PPDPFL: variants seen among roughly 807,000 people sequenced by gnomAD.
PPDPFL encodes the protein pancreatic progenitor cell differentiation and proliferation factor-like protein.
In PPDPFL, 12 loss-of-function variants were observed where a neutral mutation model predicts 12.6. That is an observed-to-expected ratio of 0.95 (90% confidence interval 0.61 to 1.54). The LOEUF (loss-of-function observed/expected upper bound fraction) is 1.54. PPDPFL is among the 40% of genes most tolerant of loss of function. The probability of loss-of-function intolerance (pLI) is 0.00; values close to 1 mark genes in which losing one functional copy is unlikely to be tolerated. For synonymous variants in PPDPFL, 24 were observed against 32.7 expected, an observed-to-expected ratio of 0.73 and a Z score of 0.91; for missense variants, 114 against 96.0, an observed-to-expected ratio of 1.19 and a Z score of -0.78.
chr8:49,072,826 A>G lies in PPDPFL; in HGVS notation c.-5A>G, dbSNP rs1000900417. On this transcript the variant is annotated 5_prime_UTR_variant, in exon 2 of 5. It removes the in-frame stop codon of an upstream open reading frame in the 5' UTR. Coordinates refer to ENST00000522267, the MANE Select transcript of PPDPFL (RefSeq NM_001256597.2). ...CTTCTTGGGTGCTTTCTCACGGGTA[A>G]AGCCATGGCATCCGTACCTTCCATT... 6.2e-7 allele frequency: 1 copy of G among 1,600,026 alleles called. No individual in the cohort carries two copies. Among genetic ancestry groups the G allele is most frequent in the Non-Finnish European group, 8.5e-7 (1 of 1,175,244 alleles).
intron 1 of PPDPFL, among the ~76,000 whole-genome samples, chr8:49,056,195 G>T (rs1455333652): frequency 6.6e-6 from 1 of 152,132 alleles, no homozygotes; most frequent in Non-Finnish European, 1.5e-5. Flanking sequence ...TTTTCTATCA[G>T]CCTCCTCCCT....
At chr8:49,070,321 A>G (rs1808357750), upstream of PPDPFL, among the ~76,000 whole-genome samples, 1 of 152,202 alleles carries the variant, frequency 6.6e-6, no homozygotes, top group Non-Finnish European at 1.5e-5. Context: ...TAATGAAAGA[A>G]TCTGTACAGC....
Position 49,075,313 on chromosome 8 carries a change from C to A in PPDPFL, c.*140C>A. Reference sequence around the variant, plus strand: ...ACATGAACAGCTCCCCTTCAGCGCCCCAGCTATTCCAGGACTCTTCTCCAT... The same window carrying A: ...ACATGAACAGCTCCCCTTCAGCGCCACAGCTATTCCAGGACTCTTCTCCAT... On this transcript the variant is annotated 3_prime_UTR_variant, in exon 5 of 5. Coordinates refer to ENST00000522267, the MANE Select transcript of PPDPFL (RefSeq NM_001256597.2). 1 of 1,533,982 alleles carries A rather than the reference C, an allele frequency of 6.5e-7. No homozygotes were observed.
intron 1 of PPDPFL, among the ~76,000 whole-genome samples, chr8:49,063,713 G>A (rs1055440231): frequency 1.3e-4 from 20 of 148,276 alleles, no homozygotes; most frequent in African/African-American, 4.7e-4. Flanking sequence ...GTGAGACCCT[G>A]AAAAAAAAAA....
chr8:49,074,434 C>G, intron 4 of PPDPFL, 101 bp downstream of exon 4: 1 of 1,558,950 alleles, frequency 6.4e-7, no homozygotes, highest in Non-Finnish European at 8.7e-7. Context: ...ATAGTTGTCT[C>G]TTGAGAGCAG....
At chr8:49,060,638 G>C (rs1329853110) in intron 1 of PPDPFL, among the ~76,000 whole-genome samples, 1 of 151,924 alleles carries the variant, frequency 6.6e-6, no homozygotes, top group Non-Finnish European at 1.5e-5. Flanking sequence ...TTCTGACTAG[G>C]AAATTATTTT....
At chr8:49,060,398 C>A (rs1013904132) in intron 1 of PPDPFL, among the ~76,000 whole-genome samples, 1 of 152,136 alleles carries the variant, frequency 6.6e-6, no homozygotes, top group African/African-American at 2.4e-5. Context: ...ACCTCAACCT[C>A]CGCCTCCTGG....
At position 49,074,102 on chromosome 8, in the gene PPDPFL, T is replaced by C. The variant is rs1035100513; in HGVS notation, c.99T>C (p.Ser33=). 1 of 1,613,210 alleles carries C rather than the reference T, an allele frequency of 6.2e-7. No individual in the cohort carries two copies. Among genetic ancestry groups the C allele is most frequent in the Non-Finnish European group, 8.5e-7 (1 of 1,179,320 alleles). ...SSVSSLTSSD[S]VNFIDDDKPQ... ...TTAGTTCTTTAACTAGCTCTGATTCTGTTAACTTCATAGATGACGACAAAC... is the reference window on the plus strand; with the variant it reads ...TTAGTTCTTTAACTAGCTCTGATTCCGTTAACTTCATAGATGACGACAAAC... The change falls in exon 3 of 5, where the codon TCT becomes TCC. Residue 33 remains serine, a synonymous_variant. Transcript: ENST00000522267.
intron 1 of PPDPFL, among the ~76,000 whole-genome samples, chr8:49,058,288 G>GTACAATATGCACCATATAT: frequency 6.6e-6 from 1 of 152,080 alleles, no homozygotes; most frequent in East Asian, 1.9e-4. Flanking sequence ...TAATTAAATG[G>GTACAATATGCACCATATAT]TACAATATGC....
chr8:49,058,673 A>G (rs1808148231), intron 1 of PPDPFL, among the ~76,000 whole-genome samples: 1 of 152,212 alleles, frequency 6.6e-6, no homozygotes, highest in African/African-American at 2.4e-5. Context: ...TTCAGCGAAA[A>G]GTTTTATAAT....
At chr8:49,065,736 G>C (rs1231127779) in intron 1 of PPDPFL, among the ~76,000 whole-genome samples, 1 of 152,176 alleles carries the variant, frequency 6.6e-6, no homozygotes, top group Non-Finnish European at 1.5e-5. Context: ...CTGCTTAGCA[G>C]AGCAAAAGAT....
intron 1 of PPDPFL, among the ~76,000 whole-genome samples, chr8:49,064,686 G>T (rs530104652): frequency 4.6e-5 from 7 of 152,064 alleles, no homozygotes; most frequent in Non-Finnish European, 1.0e-4. Context: ...GGGCAAATTT[G>T]TCTGTCTTCC....
In PPDPFL at chr8:49,066,204, T is replaced by C. The variant is rs547128128; in HGVS notation, c.-44-6583T>C. Among the ~76,000 whole-genome samples, 15 of 152,316 alleles carry C rather than the reference T, an allele frequency of 9.8e-5. No individual in the cohort carries two copies. In the East Asian group the frequency reaches 2.9e-3, roughly 29 times the overall value. On this transcript the variant is annotated intron_variant, in intron 1 of 4. Transcript: ENST00000517663. Reference sequence around the variant, plus strand: ...TCGGGTGGATGATGCCCAATAAATGTTAAAAATGAAAGAAGAGAGTAGATA... The same window carrying C: ...TCGGGTGGATGATGCCCAATAAATGCTAAAAATGAAAGAAGAGAGTAGATA...
At chr8:49,065,594 A>T (rs1163913361) in intron 1 of PPDPFL, among the ~76,000 whole-genome samples, 7 of 152,202 alleles carry the variant, frequency 4.6e-5, no homozygotes, top group African/African-American at 1.7e-4. Context: ...TATTTAACTT[A>T]ATTTTCTTAT....
intron 1 of PPDPFL, among the ~76,000 whole-genome samples, chr8:49,059,860 C>T (rs990354798): frequency 1.1e-4 from 16 of 152,106 alleles, no homozygotes; most frequent in African/African-American, 2.4e-5. Context: ...AAAATTTAGC[C>T]AAGGTAATGT....
At chr8:49,060,135 A>T (rs1345567586) in intron 1 of PPDPFL, among the ~76,000 whole-genome samples, 1 of 152,176 alleles carries the variant, frequency 6.6e-6, no homozygotes, top group African/African-American at 2.4e-5. Context: ...TGCTAAAGCT[A>T]TTCTTTTTTG....
upstream of PPDPFL, among the ~76,000 whole-genome samples, chr8:49,070,099 G>A (rs1462050248): frequency 6.6e-6 from 1 of 152,198 alleles, no homozygotes; most frequent in African/African-American, 2.4e-5. Flanking sequence ...GCAGGAAGAC[G>A]AATGGGGCTG....
Position 49,075,468 on chromosome 8 carries a change from T to G in PPDPFL, c.*295T>G, listed in dbSNP as rs558719143. ...GCTGGAAGTGGCACTTGCTACCTGGTGCATCTTTGAAAAGTGTGCCTTTAG... is the reference window on the plus strand; with the variant it reads ...GCTGGAAGTGGCACTTGCTACCTGGGGCATCTTTGAAAAGTGTGCCTTTAG... On this transcript the variant is annotated 3_prime_UTR_variant, in exon 5 of 5. Coordinates refer to ENST00000522267, the MANE Select transcript of PPDPFL (RefSeq NM_001256597.2). 5.0e-6 allele frequency: 3 copies of G among 603,590 alleles called. No individual in the cohort carries two copies. In the East Asian group the frequency reaches 8.3e-5, roughly 17 times the overall value. The allele number at this position is 603,590 out of a possible 1,614,324, so 37.4% of individuals were successfully genotyped here.
At chr8:49,058,494 A>C (rs528835017) in intron 1 of PPDPFL, among the ~76,000 whole-genome samples, 1 of 152,242 alleles carries the variant, frequency 6.6e-6, no homozygotes, top group Non-Finnish European at 1.5e-5. Context: ...GGAGATATTT[A>C]ATCAATCTTG....
Sources: gnomAD v4.1 joint callset for allele counts (sites outside exome capture counted in the v4.1 genomes callset) on GRCh38, gnomAD v4.1.1 for gene constraint, MANE v1.5 for transcripts, NCBI Gene and HGNC (gene_info 2026-07-23, HGNC 2026-07-21) for gene names.